Variants in MBP observed in about 807,000 individuals in gnomAD.
MBP encodes Golli-MBP.
Under a neutral mutation model 35.8 loss-of-function variants are expected in MBP, and 16 were observed. The observed-to-expected ratio is 0.45, with a 90% CI of 0.30 to 0.68. MBP has a LOEUF of 0.68. Ranked by LOEUF, MBP falls within the 30% of genes least tolerant of loss-of-function variation. The pLI is 0.08. For synonymous variants in MBP, 143 were observed against 159.6 expected (o/e 0.90, Z 0.78); for missense variants, 380 against 404.7 (o/e 0.94, Z 0.52).
chr18:77,089,029 A>G (rs931118018), intron 2 of MBP, among the ~76,000 whole-genome samples: 2 of 152,256 alleles, frequency 1.3e-5, no homozygotes, highest in African/African-American at 4.8e-5. Context: ...CTCACCTTGC[A>G]TCACAGGCCT....
chr18:77,118,757 C>A (rs955567483), intron 1 of MBP, among the ~76,000 whole-genome samples: 2 of 149,110 alleles, frequency 1.3e-5, no homozygotes, highest in South Asian at 2.1e-4. Flanking sequence ...ACACACACAC[C>A]ACACACACAC....
intron 2 of MBP, among the ~76,000 whole-genome samples, chr18:77,104,544 C>T (rs67169537): frequency 0.052 from 7,862 of 152,202 alleles, 246 homozygotes; most frequent in Non-Finnish European, 0.074. Flanking sequence ...AGTGCAAAGT[C>T]AGAGCAAACT....
chr18:77,038,786 G>T (rs116263464), intron 3 of MBP, among the ~76,000 whole-genome samples: 383 of 152,324 alleles, frequency 2.5e-3, no homozygotes, highest in African/African-American at 8.7e-3. Flanking sequence ...CAATTAATAT[G>T]ATGTGTGCTC....
rs1334113490 is a variant in MBP, at chr18:77,009,823, T to A, written c.576+7009A>T. 4 of 1,550,966 alleles carry A rather than the reference T, an allele frequency of 2.6e-6. No homozygotes were observed. The African/African-American group carries it at 5.5e-5, about 21-fold the overall frequency. On this transcript the variant is annotated intron_variant, in intron 4 of 8. Transcript: ENST00000355994. ...AACGGCAGGTCACCCCTGGCCCCGATGGGTGAGGACCCGCCGGCGTCTTAC... is the reference window on the plus strand; with the variant it reads ...AACGGCAGGTCACCCCTGGCCCCGAAGGGTGAGGACCCGCCGGCGTCTTAC...
intron 2 of MBP, among the ~76,000 whole-genome samples, chr18:77,103,335 G>A (rs1976119189): frequency 6.6e-6 from 1 of 152,176 alleles, no homozygotes; most frequent in Non-Finnish European, 1.5e-5. Context: ...TAAAGCATCT[G>A]GGTGTAAGTC....
intron 3 of MBP, among the ~76,000 whole-genome samples, chr18:77,053,751 G>A (rs776460466): frequency 4.2e-4 from 64 of 152,334 alleles, no homozygotes; most frequent in African/African-American, 1.2e-3. Flanking sequence ...CAGCAGGGAC[G>A]AGGGGTGTCC....
At chr18:76,999,857 TATTC>T (rs1164749582) in intron 4 of MBP, among the ~76,000 whole-genome samples, 1 of 152,220 alleles carries the variant, frequency 6.6e-6, no homozygotes, top group Non-Finnish European at 1.5e-5. Context: ...CATTTTTGGT[TATTC>T]ATTGAGATTT....
At chr18:77,111,019 T>C (rs532203851) in intron 1 of MBP, among the ~76,000 whole-genome samples, 21 of 152,278 alleles carry the variant, frequency 1.4e-4, no homozygotes, top group Admixed American at 2.6e-4. Context: ...ACCTTAAAGC[T>C]GAGCTGGCTG....
chr18:77,043,973 A>G (rs996110974), intron 3 of MBP, among the ~76,000 whole-genome samples: 1 of 151,866 alleles, frequency 6.6e-6, no homozygotes, highest in Non-Finnish European at 1.5e-5. Context: ...CCATTCCCCC[A>G]GCTGCCGTCC....
At chr18:76,980,631 T>G in intron 8 of MBP, 160 bp from the exon 9 acceptor site, 1 of 616,830 alleles carries the variant, frequency 1.6e-6, no homozygotes, top group African/African-American at 1.8e-5. Flanking sequence ...TCATTCCATT[T>G]CTCCCGACCT....
chr18:77,066,521 G>A, intron 2 of MBP, 136 bp from the exon 3 acceptor site: 1 of 786,190 alleles, frequency 1.3e-6, no homozygotes, highest in Non-Finnish European at 2.3e-6. Context: ...ATAGAATATA[G>A]AGCCTTGGTT....
intron 3 of MBP, among the ~76,000 whole-genome samples, chr18:77,051,530 A>C (rs767441973): frequency 1.3e-5 from 2 of 152,164 alleles, no homozygotes; most frequent in African/African-American, 2.4e-5. Flanking sequence ...TCAGGATCTA[A>C]ATGCCTCTGC....
chr18:76,986,373 A>C, intron 7 of MBP: 1 of 985,522 alleles, frequency 1.0e-6, no homozygotes, highest in Non-Finnish European at 1.2e-6. Flanking sequence ...AACCTAGCCC[A>C]TCTCTTATTT....
At chr18:77,047,184 G>A (rs1273933677) in intron 3 of MBP, among the ~76,000 whole-genome samples, 3 of 152,234 alleles carry the variant, frequency 2.0e-5, no homozygotes, top group Admixed American at 6.5e-5. Context: ...AACCCTGAAC[G>A]CCAAGGCTCC....
rs780881071 is a variant in MBP, at chr18:77,057,824, G to GTTTTTT, written c.139+8468_139+8473dup. ...GGGACACCTGAGGAAGGCGGGGAGTGTTTTTTTTTTTTTTTTTTTTGAGAC... is the reference window on the plus strand; with the variant it reads ...GGGACACCTGAGGAAGGCGGGGAGTGTTTTTTTTTTTTTTTTTTTTTTTTTTGAGAC... On this transcript the variant is annotated intron_variant, in intron 3 of 8. Coordinates refer to ENST00000355994, the MANE Select transcript of MBP (RefSeq NM_001025101.2). Among the ~76,000 whole-genome samples the GTTTTTT allele has an allele frequency of 9.8e-4, 9 of 9,200 alleles. 3 individuals carry two copies. Among genetic ancestry groups the GTTTTTT allele is most frequent in the African/African-American group, 5.8e-3 (7 of 1,208 alleles). The allele number at this position is 9,200 out of a possible 152,430, so 6.0% of individuals were successfully genotyped here.
chr18:77,103,232 T>C (rs1464609919), intron 2 of MBP, among the ~76,000 whole-genome samples: 1 of 152,178 alleles, frequency 6.6e-6, no homozygotes, highest in Non-Finnish European at 1.5e-5. Flanking sequence ...TTCTTCCAAG[T>C]TTATTATTAC....
At chr18:77,027,003 A>T (rs1455644210) in intron 3 of MBP, among the ~76,000 whole-genome samples, 1 of 152,208 alleles carries the variant, frequency 6.6e-6, no homozygotes, top group Non-Finnish European at 1.5e-5. Context: ...GCTCTAAGAC[A>T]TGCAGTGGAG....
At chr18:77,057,217 C>A (rs1459437509) in intron 3 of MBP, among the ~76,000 whole-genome samples, 1 of 152,156 alleles carries the variant, frequency 6.6e-6, no homozygotes, top group Admixed American at 6.5e-5. Context: ...CTGCCCTGCC[C>A]CTCAAGGAAC....
At chr18:77,013,916 A>G in intron 4 of MBP, 1 of 985,428 alleles carries the variant, frequency 1.0e-6, no homozygotes, top group Middle Eastern at 5.2e-4. Context: ...CGTGACACTC[A>G]AGTGGCCTCA....
Sources: gnomAD v4.1 joint callset for allele counts (sites outside exome capture counted in the v4.1 genomes callset) on GRCh38, gnomAD v4.1.1 for gene constraint, MANE v1.5 for transcripts, NCBI Gene and HGNC (gene_info 2026-07-23, HGNC 2026-07-21) for gene names.